The following RGS7BP variants were observed in gnomAD, a reference collection of about 807,000 sequenced individuals.
The protein encoded by RGS7BP is regulator of G protein signaling 7 binding protein, also known as regulator of G protein signaling 7-binding protein.
In RGS7BP, 9 loss-of-function variants were observed where a neutral mutation model predicts 31.3. The observed-to-expected ratio is 0.29, with a 90% CI of 0.17 to 0.50. The LOEUF (loss-of-function observed/expected upper bound fraction) is 0.50. RGS7BP is among the 20% of genes least tolerant of loss of function. The pLI is 0.98. For synonymous variants in RGS7BP, 115 were observed against 120.1 expected, an observed-to-expected ratio of 0.96 and a Z score of 0.28; for missense variants, 274 against 322.0, an observed-to-expected ratio of 0.85 and a Z score of 1.14.
At chr5:64,548,691 G>C (rs929863013) in intron 2 of RGS7BP, among the ~76,000 whole-genome samples, 4 of 151,978 alleles carry the variant, frequency 2.6e-5, no homozygotes, top group African/African-American at 9.7e-5. Context: ...ATTTTTAGTA[G>C]AGACGGGGTT....
chr5:64,593,634 T>C (rs759296596), intron 3 of RGS7BP, among the ~76,000 whole-genome samples: 1 of 152,178 alleles, frequency 6.6e-6, no homozygotes, highest in Non-Finnish European at 1.5e-5. Context: ...TACAACAGCT[T>C]TGTAATTATT....
At chr5:64,600,976 T>C (rs1360483373) in intron 5 of RGS7BP, among the ~76,000 whole-genome samples, 6 of 152,188 alleles carry the variant, frequency 3.9e-5, no homozygotes, top group African/African-American at 1.4e-4. Flanking sequence ...AGATAGACCA[T>C]AGAGGCTTCC....
At chr5:64,532,511 A>T (rs1042664270) in intron 2 of RGS7BP, among the ~76,000 whole-genome samples, 3 of 152,176 alleles carry the variant, frequency 2.0e-5, no homozygotes, top group Non-Finnish European at 4.4e-5. Context: ...CTGGAAGTTG[A>T]ATGTAGGAGC....
intron 4 of RGS7BP, among the ~76,000 whole-genome samples, 186 bp downstream of exon 4, chr5:64,595,043 G>C (rs1030752573): frequency 1.2e-4 from 19 of 152,148 alleles, no homozygotes; most frequent in African/African-American, 4.8e-5. Flanking sequence ...ACTGAGACAA[G>C]AGAGGGTAAG....
Position 64,611,959 on chromosome 5 carries a change from G to A in RGS7BP, c.*2707G>A, listed in dbSNP as rs1172712596. ...GCAATAACACTGAGCTGATCTCTAG[G>A]GTTAAGAAGAGAACATTGAACTCAT... On this transcript the variant is annotated 3_prime_UTR_variant, in exon 6 of 6. Coordinates refer to ENST00000334025, the MANE Select transcript of RGS7BP (RefSeq NM_001029875.3). 1 of 151,910 alleles carries A rather than the reference G, an allele frequency of 6.6e-6. No homozygotes were observed. Among genetic ancestry groups the A allele is most frequent in the Non-Finnish European group, 1.5e-5 (1 of 67,888 alleles). 9.4% of individuals were successfully genotyped at this position (151,910 alleles called of 1,614,324 possible).
At chr5:64,563,016 C>T (rs1742089668) in intron 2 of RGS7BP, among the ~76,000 whole-genome samples, 1 of 151,994 alleles carries the variant, frequency 6.6e-6, no homozygotes, top group Admixed American at 6.6e-5. Flanking sequence ...CCCTTCCTGT[C>T]TCCCCAGCTG....
chr5:64,521,490 C>T (rs534484638), intron 2 of RGS7BP, among the ~76,000 whole-genome samples: 1 of 152,100 alleles, frequency 6.6e-6, no homozygotes, highest in Non-Finnish European at 1.5e-5. Flanking sequence ...CTCCTGACCT[C>T]GGGTGATCCA....
At chr5:64,596,547 C>T (rs1743074299) in intron 4 of RGS7BP, among the ~76,000 whole-genome samples, 2 of 152,112 alleles carry the variant, frequency 1.3e-5, no homozygotes, top group African/African-American at 4.8e-5. Flanking sequence ...CCCTTTCTCA[C>T]CCATTCCATC....
chr5:64,514,210 A>G (rs995598475), intron 2 of RGS7BP, among the ~76,000 whole-genome samples: 1 of 152,200 alleles, frequency 6.6e-6, no homozygotes, highest in Non-Finnish European at 1.5e-5. Flanking sequence ...TTAGGGGCCA[A>G]TTCTACTCCA....
rs2111863739 is a variant in RGS7BP at position 64,561,427 on chromosome 5, A to G, written c.333-14347A>G. On this transcript the variant is annotated intron_variant, in intron 2 of 5. Transcript: ENST00000334025. ...GCCCTGGTAATGGTATGTACCGGCT[A>G]AAATCATAAATGTGGGTTTGAGTCC... 2.0e-5 allele frequency among the ~76,000 whole-genome samples: 3 copies of G among 152,294 alleles called. 1 individual carries two copies. The South Asian group carries it at 6.2e-4, about 32-fold the overall frequency.
At chr5:64,601,770 T>C (rs1743225014) in intron 5 of RGS7BP, among the ~76,000 whole-genome samples, 1 of 152,174 alleles carries the variant, frequency 6.6e-6, no homozygotes, top group African/African-American at 2.4e-5. Context: ...TGGAACCACC[T>C]GTGGGGAGCC....
chr5:64,598,648 A>C (rs951332915), intron 5 of RGS7BP, among the ~76,000 whole-genome samples: 1 of 152,202 alleles, frequency 6.6e-6, no homozygotes, highest in African/African-American at 2.4e-5. Context: ...TTATGACCTT[A>C]AAACGAACTC....
chr5:64,579,320 C>A (rs59246397), intron 3 of RGS7BP, among the ~76,000 whole-genome samples: 19 of 151,734 alleles, frequency 1.3e-4, no homozygotes, highest in Non-Finnish European at 2.7e-4. Flanking sequence ...CTGAGGTGGG[C>A]GGATCACGAG....
At chr5:64,536,115 T>A (rs1741348069) in intron 2 of RGS7BP, among the ~76,000 whole-genome samples, 1 of 152,150 alleles carries the variant, frequency 6.6e-6, no homozygotes, top group Admixed American at 6.5e-5. Context: ...AGTCCAGAAG[T>A]CTCTTTGGGT....
At chr5:64,574,948 C>G (rs1742381540) in intron 2 of RGS7BP, among the ~76,000 whole-genome samples, 1 of 152,100 alleles carries the variant, frequency 6.6e-6, no homozygotes, top group African/African-American at 2.4e-5. Context: ...TATCTCTAAA[C>G]TTTATCCCTT....
Position 64,506,690 on chromosome 5 carries a change from G to A in RGS7BP, c.66G>A (p.Gln22=), listed in dbSNP as rs1748688816. 1.9e-6 allele frequency: 3 copies of A among 1,613,352 alleles called. No individual in the cohort carries two copies. The highest frequency in any genetic ancestry group is 1.3e-5 in the African/African-American group (1 of 74,916). ...PSRSTRSSIF[Q]ISKPPLQSGD... ...GGTCCACCCGCTCCTCGATCTTCCA[G>A]ATCAGCAAGCCCCCGCTGCAGAGCG... Residue 22 remains glutamine, a synonymous_variant, in exon 1 of 6, where the codon CAG becomes CAA. Coordinates refer to ENST00000334025, the MANE Select transcript of RGS7BP (RefSeq NM_001029875.3). This position sits in a 1 kb window ranked among gnomAD's most constrained non-coding sequence, Gnocchi z 4.6.
At position 64,506,721 on chromosome 5, in the gene RGS7BP, T is replaced by C. The variant is rs778012716; in HGVS notation, c.97T>C (p.Trp33Arg). 1.9e-6 allele frequency: 3 copies of C among 1,609,392 alleles called. No individual in the cohort carries two copies. The highest frequency in any genetic ancestry group is 2.5e-6 in the Non-Finnish European group (3 of 1,176,494). ...CAAGCCCCCGCTGCAGAGCGGAGAT[T>C]GGGAGCGCAGGGGCAGCGGCTCCGA... The part of the protein sequence containing the change: ...ISKPPLQSGD[W>R]ERRGSGSESA... Residue 33 changes from tryptophan (W) to arginine (R), a missense_variant, in exon 1 of 6, where the codon TGG becomes CGG. Coordinates refer to ENST00000334025, the MANE Select transcript of RGS7BP (RefSeq NM_001029875.3). This position sits in a 1 kb window ranked among gnomAD's most constrained non-coding sequence, Gnocchi z 4.6.
chr5:64,572,975 C>G (rs1207354975), intron 2 of RGS7BP, among the ~76,000 whole-genome samples: 3 of 108,690 alleles, frequency 2.8e-5, no homozygotes, highest in Admixed American at 2.1e-4. Flanking sequence ...CCCCTCCCCC[C>G]ACCCCACAAC....
intron 5 of RGS7BP, 86 bp downstream of exon 5, chr5:64,598,521 T>C (rs1743135748): frequency 1.2e-6 from 1 of 858,980 alleles, no homozygotes; most frequent in African/African-American, 1.7e-5. Context: ...AAAGCATGTG[T>C]CTCACACAAA....
Sources: allele counts gnomAD v4.1 joint callset (sites outside exome capture counted in the v4.1 genomes callset), GRCh38; gene constraint gnomAD v4.1.1; non-coding constraint Gnocchi (gnomAD v3.1); transcripts MANE v1.5; gene names NCBI Gene and HGNC (gene_info 2026-07-23, HGNC 2026-07-21).